The following PAXIP1 variants were observed in gnomAD, a reference collection of about 807,000 sequenced individuals.
PAXIP1 encodes PAX-interacting protein 1.
In PAXIP1, 19 loss-of-function variants were observed where a neutral mutation model predicts 140.6. That is an observed-to-expected ratio of 0.14 (90% confidence interval 0.09 to 0.20). PAXIP1 has a LOEUF of 0.20. Among genes scored for constraint, PAXIP1 ranks in the 10% least tolerant of loss-of-function variants. The pLI, the probability that PAXIP1 is intolerant of heterozygous loss-of-function variation, is 1.00. For missense variants in PAXIP1, 920 were observed against 1,208.6 expected, an observed-to-expected ratio of 0.76 and a Z score of 3.54; for synonymous variants, 442 against 444.6, an observed-to-expected ratio of 0.99 and a Z score of 0.07.
chr7:154,983,292 G>A lies in PAXIP1; in HGVS notation c.365C>T (p.Thr122Met), dbSNP rs767327535. ...TAGCTGGCAATCTCCCCCATAGAAC[G>A]TAACCAAAGCCCACAGGGCACTTCT... ...EDRSALWALV[T>M]FYGGDCQLTL... The change falls in exon 5 of 21, where the codon ACG becomes ATG. Residue 122 changes from threonine (T) to methionine (M), a missense_variant. Transcript: ENST00000404141. 7 of 1,611,828 alleles carry A rather than the reference G, an allele frequency of 4.3e-6. No homozygotes were observed. Among genetic ancestry groups the A allele is most frequent in the African/African-American group, 1.3e-5 (1 of 74,840 alleles).
rs756031191 is a variant in PAXIP1 at position 154,946,379 on chromosome 7, C to T, written c.3180G>A (p.Thr1060=). The part of the protein sequence containing the change: ...EFVLTGVLTQ[T]LDYESYKFN ...GGAAAGGATATGATTCATAGTCCAG[C>T]GTTTGAGTGAGCACTCCAGTCAGAA... Residue 1060 remains threonine, a synonymous_variant, in exon 20 of 21, where the codon ACG becomes ACA. Coordinates refer to ENST00000404141, the MANE Select transcript of PAXIP1 (RefSeq NM_007349.4). The surrounding 1 kb of genome is among the most constrained non-coding windows in gnomAD (Gnocchi z 4.9). 3.3e-5 allele frequency: 53 copies of T among 1,613,808 alleles called. No individual in the cohort carries two copies. In the Admixed American group the frequency reaches 7.3e-4, roughly 22 times the overall value.
In PAXIP1 at chr7:155,002,933, C is replaced by T. The variant is rs1258146817; in HGVS notation, c.-4G>A. On this transcript the variant is annotated 5_prime_UTR_variant, in exon 1 of 21. Transcript: ENST00000404141. ...CTTTGGGCGCCTGGTCCGACATGAT[C>T]GCGGCGGCCCGGGAGGCTCCGCGGC... The T allele has an allele frequency of 7.7e-7, 1 of 1,299,662 alleles. No individual in the cohort carries two copies. Among genetic ancestry groups the T allele is most frequent in the Non-Finnish European group, 1.0e-6 (1 of 998,508 alleles). 80.5% of individuals were successfully genotyped at this position (1,299,662 alleles called of 1,614,324 possible).
chr7:154,999,660 A>AAC (rs1262679109), intron 1 of PAXIP1, among the ~76,000 whole-genome samples: 2 of 152,204 alleles, frequency 1.3e-5, no homozygotes, highest in Non-Finnish European at 2.9e-5. Flanking sequence ...CTCACTGAGG[A>AAC]ACACATCAGA....
In PAXIP1 at chr7:154,946,620, G is replaced by C. The variant is rs765031748; in HGVS notation, c.3058-33C>G. 6.2e-7 allele frequency: 1 copy of C among 1,612,926 alleles called. No individual in the cohort carries two copies. The highest frequency in any genetic ancestry group is 1.7e-4 in the Middle Eastern group (1 of 6,060). ...AAAGAAAATGAGTTTCTCAGTGACC[G>C]AACGCTGAATGTGATACAGGGCAAT... is the stretch of plus-strand genomic sequence containing the variant. On this transcript the variant is annotated intron_variant, in intron 18 of 20. Transcript: ENST00000404141. This position sits in a 1 kb window ranked among gnomAD's most constrained non-coding sequence, Gnocchi z 4.9.
chr7:154,996,095 C>G (rs1810594799), intron 2 of PAXIP1, among the ~76,000 whole-genome samples: 1 of 152,182 alleles, frequency 6.6e-6, no homozygotes, highest in Non-Finnish European at 1.5e-5. Flanking sequence ...GGATATGCCT[C>G]TAGGGAACCA....
At chr7:154,995,781 A>G (rs1810570862) in intron 2 of PAXIP1, among the ~76,000 whole-genome samples, 1 of 152,104 alleles carries the variant, frequency 6.6e-6, no homozygotes, top group African/African-American at 2.4e-5. Flanking sequence ...ACCCTGAGGC[A>G]GAGGGTGCAG....
Position 154,986,204 on chromosome 7 carries a change from A to C in PAXIP1, c.325-2872T>G. The C allele has an allele frequency of 7.4e-7, 1 of 1,345,864 alleles. No individual in the cohort carries two copies. The highest frequency in any genetic ancestry group is 9.9e-7 in the Non-Finnish European group (1 of 1,013,742). The allele number at this position is 1,345,864 out of a possible 1,614,324, so 83.4% of individuals were successfully genotyped here. On this transcript the variant is annotated intron_variant, in intron 4 of 20. Transcript: ENST00000404141. This position sits in a 1 kb window ranked among gnomAD's most constrained non-coding sequence, Gnocchi z 4.8. ...CCTGACGGGGAAAAGACAGAAGGTC[A>C]CTGAGAACCACCAAGAAACAGTCCT...
At chr7:154,951,967 C>G (rs1180227546) in intron 16 of PAXIP1, 1 of 152,188 alleles carries the variant, frequency 6.6e-6, no homozygotes, top group Non-Finnish European at 1.5e-5. Context: ...GCCATGCTCC[C>G]ACAGCAGAAG....
chr7:154,988,611 C>G (rs1343753122), intron 4 of PAXIP1, among the ~76,000 whole-genome samples: 1 of 152,116 alleles, frequency 6.6e-6, no homozygotes, highest in Non-Finnish European at 1.5e-5. Flanking sequence ...TTTTGATTTT[C>G]TTATTTATTT....
At chr7:154,962,695 T>C in intron 9 of PAXIP1, 1 of 357,266 alleles carries the variant, frequency 2.8e-6, no homozygotes, top group Non-Finnish European at 5.1e-6. Context: ...CAACAAATTC[T>C]ACAACAACCT....
intron 4 of PAXIP1, among the ~76,000 whole-genome samples, chr7:154,985,783 T>C (rs1810041030): frequency 6.6e-6 from 1 of 152,216 alleles, no homozygotes; most frequent in Non-Finnish European, 1.5e-5. Context: ...GATTTTCTCC[T>C]TGTCCAGTCT....
At chr7:154,979,493 A>G (rs1809743329) in intron 5 of PAXIP1, among the ~76,000 whole-genome samples, 1 of 152,144 alleles carries the variant, frequency 6.6e-6, no homozygotes, top group Non-Finnish European at 1.5e-5. Context: ...TAGGTTTACA[A>G]ATTTATGTCT....
chr7:154,970,179 G>C (rs948922904), intron 6 of PAXIP1, among the ~76,000 whole-genome samples: 1 of 152,208 alleles, frequency 6.6e-6, no homozygotes, highest in African/African-American at 2.4e-5. Context: ...TATGGTCATG[G>C]AAATCAGTAA....
At chr7:154,972,060 T>C (rs1809356203) in intron 6 of PAXIP1, among the ~76,000 whole-genome samples, 1 of 152,216 alleles carries the variant, frequency 6.6e-6, no homozygotes, top group African/African-American at 2.4e-5. Context: ...CTAAGGACAA[T>C]TTCCAGTGCA....
chr7:154,993,757 T>C lies in PAXIP1; in HGVS notation c.229A>G (p.Ile77Val). 1 of 1,590,246 alleles carries C rather than the reference T, an allele frequency of 6.3e-7. No individual in the cohort carries two copies. Among genetic ancestry groups the C allele is most frequent in the Non-Finnish European group, 8.6e-7 (1 of 1,168,820 alleles). The change falls in exon 3 of 21, where the codon ATT becomes GTT. Residue 77 changes from isoleucine to valine, a missense_variant. Physicochemically the swap from Ile to Val is conservative, Grantham distance 29. Coordinates refer to ENST00000404141, the MANE Select transcript of PAXIP1 (RefSeq NM_007349.4). The part of the protein sequence containing the change: ...DLPVVKPSWV[I>V]LSVQCGTLLP... ...AGAGTTCCACACTGAACGGACAGAA[T>C]CACCCAAGAAGGCTGAAAAAGAAAA...
At chr7:154,945,936 T>C in intron 20 of PAXIP1, 2 of 985,362 alleles carry the variant, frequency 2.0e-6, no homozygotes, top group Non-Finnish European at 2.4e-6. Flanking sequence ...ATTCTGCCGC[T>C]TCCATTTAGT....
chr7:154,948,950 AATT>A (rs1196495249), intron 16 of PAXIP1: 1 of 152,154 alleles, frequency 6.6e-6, no homozygotes, highest in Admixed American at 6.5e-5. Flanking sequence ...GACTTCTGAC[AATT>A]ATTAATAATT....
intron 4 of PAXIP1, among the ~76,000 whole-genome samples, chr7:154,985,522 AG>A (rs1810030678): frequency 6.6e-6 from 1 of 152,146 alleles, no homozygotes; most frequent in Admixed American, 6.5e-5. Context: ...GACTCAGCTC[AG>A]GTGGCATTAC....
chr7:154,947,759 G>C (rs150497395), intron 17 of PAXIP1, 144 bp downstream of exon 17: 235 of 682,370 alleles, frequency 3.4e-4, no homozygotes, highest in Non-Finnish European at 5.5e-4. Flanking sequence ...CAATGTCCAA[G>C]AAGGAAGCCA....
Sources: gnomAD v4.1 joint callset for allele counts (sites outside exome capture counted in the v4.1 genomes callset) on GRCh38, gnomAD v4.1.1 for gene constraint, Gnocchi (gnomAD v3.1) non-coding constraint, MANE v1.5 for transcripts, NCBI Gene and HGNC (gene_info 2026-07-23, HGNC 2026-07-21) for gene names.